Variants in SOST observed in about 807,000 individuals in gnomAD.
SOST encodes sclerosteosis.
A neutral mutation model predicts 16.7 loss-of-function variants in SOST; 14 were observed. The ratio of observed to expected loss-of-function variants is 0.84; its 90% CI spans 0.55 to 1.31. The LOEUF (loss-of-function observed/expected upper bound fraction) is 1.31. SOST is among the 50% of genes most tolerant of loss of function. The probability of loss-of-function intolerance (pLI) is 0.00; values close to 1 mark genes in which losing one functional copy is unlikely to be tolerated. For synonymous variants in SOST, 150 were observed against 140.9 expected (o/e 1.06, Z -0.46); for missense variants, 291 against 310.7 (o/e 0.94, Z 0.48).
intron 1 of SOST, among the ~76,000 whole-genome samples, chr17:43,757,761 G>C (rs2154590455): frequency 6.6e-6 from 1 of 152,178 alleles, no homozygotes; most frequent in South Asian, 2.1e-4. Flanking sequence ...TCCCCTCCAG[G>C]GCCTGGACTC....
rs960095231 is a variant in SOST, at chr17:43,755,625, C to CCGATGG, written c.353_358dup (p.Ala118_Ile119dup). On this transcript the variant is annotated inframe_insertion, in exon 2 of 2. Coordinates refer to ENST00000301691, the MANE Select transcript of SOST (RefSeq NM_025237.3). This position sits in a 1 kb window ranked among gnomAD's most constrained non-coding sequence, Gnocchi z 4.3. ...ACTAGGTCGCCACCACTTGCCGCGGCCGATGGCGTTGGGCAGCAGGCGCGC... is the reference window on the plus strand; with the variant it reads ...ACTAGGTCGCCACCACTTGCCGCGGCCGATGGCGATGGCGTTGGGCAGCAGGCGCGC... The CCGATGG allele has an allele frequency of 6.3e-7, 1 of 1,582,670 alleles. No individual in the cohort carries two copies. Among genetic ancestry groups the CCGATGG allele is most frequent in the Non-Finnish European group, 8.5e-7 (1 of 1,171,378 alleles).
rs760883576 is a variant in SOST at position 43,755,523 on chromosome 17, G to A, written c.461C>T (p.Pro154Leu). The A allele has an allele frequency of 2.0e-5, 32 of 1,596,228 alleles. No homozygotes were observed. The highest frequency in any genetic ancestry group is 2.5e-5 in the Non-Finnish European group (30 of 1,177,894). Residue 154 changes from proline to leucine, a missense_variant, in exon 2 of 2, where the codon CCG becomes CTG. Physicochemically the swap from Pro to Leu is moderately conservative, Grantham distance 98. Transcript: ENST00000301691. This position sits in a 1 kb window ranked among gnomAD's most constrained non-coding sequence, Gnocchi z 4.3. ...VQLLCPGGEA[P>L]RARKVRLVAS... ...CACCAGGCGCACCTTGCGCGCGCGC[G>A]GCGCCTCACCACCGGGACACAGCAG...
Position 43,755,456 on chromosome 17 carries a change from C to A in SOST, c.528G>T (p.Gln176His), listed in dbSNP as rs1231867184. The change falls in exon 2 of 2, where the codon CAG becomes CAT. Residue 176 changes from glutamine to histidine, a missense_variant. Transcript: ENST00000301691. This position sits in a 1 kb window ranked among gnomAD's most constrained non-coding sequence, Gnocchi z 4.3. ...CGGTCCCGAAGTCCTTGAGCTCCGACTGGTTGTGGAAGCGGGTGAGGCGCT... is the reference window on the plus strand; with the variant it reads ...CGGTCCCGAAGTCCTTGAGCTCCGAATGGTTGTGGAAGCGGGTGAGGCGCT... Reference protein sequence around the residue: ...KCKRLTRFHNQSELKDFGTEA... With the variant: ...KCKRLTRFHNHSELKDFGTEA... The A allele has an allele frequency of 6.3e-7, 1 of 1,596,922 alleles. No individual in the cohort carries two copies. The highest frequency in any genetic ancestry group is 1.1e-5 in the South Asian group (1 of 90,774).
intron 1 of SOST, among the ~76,000 whole-genome samples, chr17:43,756,740 CTG>C (rs1458575904): frequency 1.3e-5 from 2 of 152,134 alleles, no homozygotes; most frequent in South Asian, 2.1e-4. Context: ...ATTTCTTGTT[CTG>C]TGTTATCTGA....
rs955970822 is a variant in SOST, at chr17:43,755,773, G to A, written c.221-10C>T. ...CTGTACTCGGACACGTCTGTGGAGA[G>A]AGGCGCGCGTGAGGGTGGCCGCCCG... On this transcript the variant is annotated splice_polypyrimidine_tract_variant and intron_variant, in intron 1 of 1. Coordinates refer to ENST00000301691, the MANE Select transcript of SOST (RefSeq NM_025237.3). This position sits in a 1 kb window ranked among gnomAD's most constrained non-coding sequence, Gnocchi z 4.3. 5.7e-6 allele frequency: 9 copies of A among 1,573,968 alleles called. No individual in the cohort carries two copies. The African/African-American group carries it at 9.4e-5, about 16-fold the overall frequency.
chr17:43,755,798 G>T lies in SOST; in HGVS notation c.221-35C>A, dbSNP rs753490012. The T allele has an allele frequency of 3.2e-6, 5 of 1,551,556 alleles. No individual in the cohort carries two copies. In the East Asian group the frequency reaches 9.5e-5, roughly 30 times the overall value. On this transcript the variant is annotated intron_variant, in intron 1 of 1. Transcript: ENST00000301691. This position sits in a 1 kb window ranked among gnomAD's most constrained non-coding sequence, Gnocchi z 4.3. Reference sequence around the variant, plus strand: ...GAGGCGCGCGTGAGGGTGGCCGCCCGCCTGGCCACCCCTGCCCTGGACCGG... The same window carrying T: ...GAGGCGCGCGTGAGGGTGGCCGCCCTCCTGGCCACCCCTGCCCTGGACCGG...
chr17:43,755,450 C>T lies in SOST; in HGVS notation c.534G>A (p.Glu178=). ...KRLTRFHNQS[E]LKDFGTEAAR... ...CGGCCTCGGTCCCGAAGTCCTTGAG[C>T]TCCGACTGGTTGTGGAAGCGGGTGA... The change falls in exon 2 of 2, where the codon GAG becomes GAA. Residue 178 remains glutamate (E), a synonymous_variant. Transcript: ENST00000301691. This position sits in a 1 kb window ranked among gnomAD's most constrained non-coding sequence, Gnocchi z 4.3. The T allele has an allele frequency of 6.3e-7, 1 of 1,596,770 alleles. No individual in the cohort carries two copies. Among genetic ancestry groups the T allele is most frequent in the Non-Finnish European group, 8.5e-7 (1 of 1,178,716 alleles).
rs767644132 is a variant in SOST, at chr17:43,755,392, G to T, written c.592C>A (p.Arg198Ser). The T allele has an allele frequency of 1.9e-6, 3 of 1,589,284 alleles. No individual in the cohort carries two copies. Among genetic ancestry groups the T allele is most frequent in the African/African-American group, 1.4e-5 (1 of 73,030 alleles). ...TGGTTGGCTTTGGCGCTCCGGGCGC[G>T]GGGCCGCGGCTTCCGGCCCTTCTGC... ...RPQKGRKPRP[R>S]ARSAKANQAE... Residue 198 changes from arginine to serine, a missense_variant, in exon 2 of 2, where the codon CGC becomes AGC. Coordinates refer to ENST00000301691, the MANE Select transcript of SOST (RefSeq NM_025237.3). The surrounding 1 kb of genome is among the most constrained non-coding windows in gnomAD (Gnocchi z 4.3).
chr17:43,758,090 C>G (rs2154590459), intron 1 of SOST, among the ~76,000 whole-genome samples: 1 of 152,318 alleles, frequency 6.6e-6, no homozygotes, highest in Non-Finnish European at 1.5e-5. Flanking sequence ...ACAGCCACCA[C>G]CAGCATAGAG....
At chr17:43,757,008 C>A (rs1217776160) in intron 1 of SOST, among the ~76,000 whole-genome samples, 2 of 152,200 alleles carry the variant, frequency 1.3e-5, no homozygotes, top group Non-Finnish European at 2.9e-5. Flanking sequence ...ACCCCCCACC[C>A]CCACTCTGAA....
chr17:43,754,858 CA>C lies in SOST; in HGVS notation c.*483del, dbSNP rs2154590416. The C allele has an allele frequency of 6.4e-6, 1 of 155,072 alleles. No homozygotes were observed. The highest frequency in any genetic ancestry group is 2.4e-5 in the African/African-American group (1 of 41,660). The allele number at this position is 155,072 out of a possible 1,614,324, so 9.6% of individuals were successfully genotyped here. The stretch of plus-strand genomic sequence containing the variant: ...TCAAGGTTACACAGCAAGTTAGTGG[CA>C]GAGCCAGGACTAGAAACCACATCTA... On this transcript the variant is annotated 3_prime_UTR_variant, in exon 2 of 2. Transcript: ENST00000301691.
chr17:43,758,416 C>A, intron 1 of SOST, 106 bp downstream of exon 1: 1 of 908,004 alleles, frequency 1.1e-6, no homozygotes, highest in Non-Finnish European at 1.7e-6. Context: ...CTGGCAGAGG[C>A]CAGCAATCTT....
Position 43,755,588 on chromosome 17 carries a change from G to A in SOST, c.396C>T (p.Phe132=). ...CGCGGTAGCGGTCGGGGATGCAGCG[G>A]AAGTCGGGCCCACTAGGTCGCCACC... ...GKWWRPSGPD[F]RCIPDRYRAQ... Residue 132 remains phenylalanine (F), a synonymous_variant, in exon 2 of 2, where the codon TTC becomes TTT. Transcript: ENST00000301691. The surrounding 1 kb of genome is among the most constrained non-coding windows in gnomAD (Gnocchi z 4.3). 1 of 1,592,512 alleles carries A rather than the reference G, an allele frequency of 6.3e-7. No individual in the cohort carries two copies. Among genetic ancestry groups the A allele is most frequent in the Non-Finnish European group, 8.5e-7 (1 of 1,175,384 alleles).
intron 1 of SOST, 118 bp downstream of exon 1, chr17:43,758,404 T>G: frequency 1.2e-6 from 1 of 820,084 alleles, no homozygotes; most frequent in Non-Finnish European, 2.0e-6. Flanking sequence ...CCTCGACCAG[T>G]GCTGGCAGAG....
chr17:43,756,162 T>C (rs1459128475), intron 1 of SOST, among the ~76,000 whole-genome samples: 1 of 152,220 alleles, frequency 6.6e-6, no homozygotes, highest in African/African-American at 2.4e-5. Context: ...GTATTATTAT[T>C]ATCATTTCTC....
At position 43,755,402 on chromosome 17, in the gene SOST, CT is replaced by C. The variant is rs1475436970; in HGVS notation, c.581del (p.Lys194SerfsTer55). 6.3e-7 allele frequency: 1 copy of C among 1,592,006 alleles called. No homozygotes were observed. The highest frequency in any genetic ancestry group is 1.1e-5 in the South Asian group (1 of 90,356). On this transcript the variant is annotated frameshift_variant, in exon 2 of 2. Coordinates refer to ENST00000301691, the MANE Select transcript of SOST (RefSeq NM_025237.3). LOFTEE classifies it high-confidence loss of function. The surrounding 1 kb of genome is among the most constrained non-coding windows in gnomAD (Gnocchi z 4.3). ...TEAARPQKGR[K>X]PRPRARSAKA... ...TGGCGCTCCGGGCGCGGGGCCGCGG[CT>C]TCCGGCCCTTCTGCGGCCGAGCGGC...
chr17:43,756,324 G>C (rs2154590436), intron 1 of SOST, among the ~76,000 whole-genome samples: 1 of 152,222 alleles, frequency 6.6e-6, no homozygotes, highest in African/African-American at 2.4e-5. Context: ...GATGGAGAAA[G>C]GAGTAGAGGT....
In SOST at chr17:43,755,669, G is replaced by A. The variant is rs755773799; in HGVS notation, c.315C>T (p.Cys105=). ...RSAKPVTELV[C]SGQCGPARLL... is the part of the protein sequence containing the mutation. The stretch of plus-strand genomic sequence containing the variant: ...GGCGCGCCGGGCCGCACTGGCCGGA[G>A]CACACCAGCTCGGTGACCGGCTTGG... The change falls in exon 2 of 2, where the codon TGC becomes TGT. Residue 105 remains cysteine, a synonymous_variant. Transcript: ENST00000301691. The surrounding 1 kb of genome is among the most constrained non-coding windows in gnomAD (Gnocchi z 4.3). 3.8e-6 allele frequency: 6 copies of A among 1,570,380 alleles called. No individual in the cohort carries two copies. The Admixed American group carries it at 7.2e-5, about 19-fold the overall frequency.
chr17:43,755,073 G>T lies in SOST; in HGVS notation c.*269C>A. 1 of 454,728 alleles carries T rather than the reference G, an allele frequency of 2.2e-6. No individual in the cohort carries two copies. 28.2% of individuals were successfully genotyped at this position (454,728 alleles called of 1,614,324 possible). On this transcript the variant is annotated 3_prime_UTR_variant, in exon 2 of 2. Coordinates refer to ENST00000301691, the MANE Select transcript of SOST (RefSeq NM_025237.3). The surrounding 1 kb of genome is among the most constrained non-coding windows in gnomAD (Gnocchi z 4.3). ...CTCCTCTGAAGTGGGACCAGCAAAG[G>T]TAGGCGGCCCCAGAGGCGGGGCTGC...
Sources: allele counts gnomAD v4.1 joint callset (sites outside exome capture counted in the v4.1 genomes callset), GRCh38; gene constraint gnomAD v4.1.1; non-coding constraint Gnocchi (gnomAD v3.1); transcripts MANE v1.5; gene names NCBI Gene and HGNC (gene_info 2026-07-23, HGNC 2026-07-21).